Variants in PITRM1 observed in about 807,000 individuals in gnomAD.
PITRM1 encodes the protein pitrilysin metallopeptidase 1, also known as presequence protease, mitochondrial.
PITRM1 carries 100 observed loss-of-function variants against 129.9 expected under a neutral mutation model. That is an observed-to-expected ratio of 0.77 (90% CI 0.65 to 0.91). The LOEUF is 0.91. Ranked by LOEUF, PITRM1 falls within the 40% of genes least tolerant of loss-of-function variation. The pLI, the probability that PITRM1 is intolerant of heterozygous loss-of-function variation, is 0.00. For missense variants in PITRM1, 1,471 were observed against 1,318.3 expected (o/e 1.12, Z -1.79); for synonymous variants, 591 against 508.8 (o/e 1.16, Z -2.17).
intron 19 of PITRM1, 29 bp downstream of exon 19, chr10:3,147,543 G>GT: frequency 1.2e-6 from 2 of 1,608,106 alleles, no homozygotes; most frequent in Non-Finnish European, 1.7e-6. Context: ...CTAAACCGGA[G>GT]TAATAGAGGT....
At chr10:3,146,865 C>A (rs1465685043) in intron 20 of PITRM1, 1 of 222,440 alleles carries the variant, frequency 4.5e-6, no homozygotes, top group Admixed American at 5.4e-5. Context: ...CTCACCTTTA[C>A]AGATACCTCA....
intron 22 of PITRM1, chr10:3,144,079 G>A (rs956381430): frequency 1.7e-6 from 1 of 593,922 alleles, no homozygotes; most frequent in Admixed American, 3.0e-5. Flanking sequence ...CTCGGCACAG[G>A]AGGACACACC....
chr10:3,158,204 T>C (rs1272456776), intron 10 of PITRM1, 51 bp from the exon 11 acceptor site: 10 of 1,008,210 alleles, frequency 9.9e-6, no homozygotes, highest in African/African-American at 1.6e-5. Context: ...ACGTTCATCA[T>C]GCCCTCGTAA....
chr10:3,151,116 A>G (rs1461857282), intron 15 of PITRM1, 131 bp downstream of exon 15: 3 of 634,018 alleles, frequency 4.7e-6, no homozygotes, highest in South Asian at 3.5e-5. Context: ...GAGCGAGACT[A>G]TGAACGCACA....
At chr10:3,141,089 G>A (rs1003778626) in intron 23 of PITRM1, among the ~76,000 whole-genome samples, 5 of 152,296 alleles carry the variant, frequency 3.3e-5, no homozygotes, top group Admixed American at 1.3e-4. Context: ...CTACAGGTGT[G>A]TGCCACCACG....
intron 7 of PITRM1, among the ~76,000 whole-genome samples, chr10:3,162,490 A>C (rs5017749): frequency 6.6e-6 from 1 of 152,050 alleles, no homozygotes; most frequent in Non-Finnish European, 1.5e-5. Flanking sequence ...ACTCAAGCCC[A>C]CCAGATGGTC....
chr10:3,171,146 TTAAAAAAAAAAAA>T (rs1285374772), intron 1 of PITRM1, among the ~76,000 whole-genome samples: 368 of 36,250 alleles, frequency 0.01, 6 homozygotes, highest in African/African-American at 0.032. Flanking sequence ...AATCGTTCAA[TTAAAAAAAAAAAA>T]AAAAAAAAAA....
intron 25 of PITRM1, chr10:3,138,545 C>G (rs1839829720): frequency 3.3e-6 from 2 of 610,020 alleles, no homozygotes; most frequent in East Asian, 5.5e-5. Context: ...CCTGCTTCTG[C>G]AGCAGGGATG....
chr10:3,138,355 G>A lies in PITRM1; in HGVS notation c.2918-18C>T, dbSNP rs1459648069. ...GTCCATTCCTAGAAGACAATCCACAGGCACGATGGAGCCGCTGCCCGGGAG... is the reference window on the plus strand; with the variant it reads ...GTCCATTCCTAGAAGACAATCCACAAGCACGATGGAGCCGCTGCCCGGGAG... On this transcript the variant is annotated intron_variant, in intron 25 of 26. Coordinates refer to ENST00000224949, the MANE Select transcript of PITRM1 (RefSeq NM_014889.4). 2.5e-6 allele frequency: 4 copies of A among 1,576,816 alleles called. No homozygotes were observed. Among genetic ancestry groups the A allele is most frequent in the Non-Finnish European group, 3.5e-6 (4 of 1,146,472 alleles).
intron 20 of PITRM1, 48 bp downstream of exon 20, chr10:3,147,102 C>T: frequency 9.6e-7 from 1 of 1,041,880 alleles, no homozygotes; most frequent in Non-Finnish European, 1.5e-6. Flanking sequence ...AAAAACTATA[C>T]TTAATAGAAT....
intron 1 of PITRM1, among the ~76,000 whole-genome samples, chr10:3,171,146 TTAAAAAAAAAAAAAAA>T (rs1316677212): frequency 4.4e-4 from 16 of 36,266 alleles, no homozygotes; most frequent in East Asian, 3.1e-3. Context: ...AATCGTTCAA[TTAAAAAAAAAAAAAAA>T]AAAAAAAAAA....
At chr10:3,162,177 AAAC>A (rs1564426594) in intron 7 of PITRM1, among the ~76,000 whole-genome samples, 8 of 148,562 alleles carry the variant, frequency 5.4e-5, no homozygotes, top group Non-Finnish European at 1.1e-4. Flanking sequence ...AAAAAAAAAA[AAAC>A]AAGACAGCCT....
intron 2 of PITRM1, among the ~76,000 whole-genome samples, chr10:3,169,597 T>C (rs1173468714): frequency 6.6e-6 from 1 of 152,076 alleles, no homozygotes; most frequent in African/African-American, 2.4e-5. Context: ...ATGCAAAAGG[T>C]TTAGGCAAAA....
At chr10:3,172,082 A>C (rs991406471) in intron 1 of PITRM1, 16 of 400,032 alleles carry the variant, frequency 4.0e-5, no homozygotes, top group Non-Finnish European at 7.9e-5. Flanking sequence ...GTTACTTATC[A>C]AGGACATGAT....
intron 14 of PITRM1, among the ~76,000 whole-genome samples, chr10:3,152,339 G>A (rs1199564413): frequency 6.6e-6 from 1 of 152,130 alleles, no homozygotes; most frequent in African/African-American, 2.4e-5. Flanking sequence ...CACGACTCCC[G>A]GGGAGGGCTG....
At chr10:3,138,842 G>C (rs1469147093) in intron 25 of PITRM1, 62 bp downstream of exon 25, 1 of 1,556,310 alleles carries the variant, frequency 6.4e-7, no homozygotes, top group Non-Finnish European at 8.9e-7. Flanking sequence ...CGGGAACTTG[G>C]AAAACAGCAA....
Position 3,144,276 on chromosome 10 carries a change from G to A in PITRM1, c.2532+16C>T. ...GCACCCACCCGCTGGCAACCCGGATGGGCTGTGGTTCTTACCATGACCAGC... is the reference window on the plus strand; with the variant it reads ...GCACCCACCCGCTGGCAACCCGGATAGGCTGTGGTTCTTACCATGACCAGC... On this transcript the variant is annotated intron_variant, in intron 22 of 26. Transcript: ENST00000224949. 6.6e-7 allele frequency: 1 copy of A among 1,512,376 alleles called. No individual in the cohort carries two copies. The highest frequency in any genetic ancestry group is 9.0e-7 in the Non-Finnish European group (1 of 1,111,832). The allele number at this position is 1,512,376 out of a possible 1,614,324, so 93.7% of individuals were successfully genotyped here.
At position 3,138,692 on chromosome 10, in the gene PITRM1, G is replaced by A. The variant is rs1164031499; in HGVS notation, c.2917+212C>T. On this transcript the variant is annotated intron_variant, in intron 25 of 26. Coordinates refer to ENST00000224949, the MANE Select transcript of PITRM1 (RefSeq NM_014889.4). ...CACTGCCATGGGTTGGCCCCACTGG[G>A]TCTCAGGTCAGTAAAACAAATGACA... 4 of 680,150 alleles carry A rather than the reference G, an allele frequency of 5.9e-6. No individual in the cohort carries two copies. The African/African-American group carries it at 7.1e-5, about 12-fold the overall frequency. The allele number at this position is 680,150 out of a possible 1,614,324, so 42.1% of individuals were successfully genotyped here. A position where few individuals can be genotyped will look rare whatever the true frequency, so the allele number is the denominator to read the frequency against.
At position 3,160,306 on chromosome 10, in the gene PITRM1, T is replaced by C. The variant is rs1348092395; in HGVS notation, c.816A>G (p.Pro272=). The change falls in exon 8 of 27, where the codon CCA becomes CCG. Residue 272 remains proline (P), a synonymous_variant. Coordinates refer to ENST00000224949, the MANE Select transcript of PITRM1 (RefSeq NM_014889.4). The part of the protein sequence containing the change: ...NARFFTYGNF[P]LEQHLKQIHE... The stretch of plus-strand genomic sequence containing the variant: ...GAATTTGTTTCAGATGCTGTTCTAA[T>C]GGAAAATTACCGTACGTGAAGAACC... The C allele has an allele frequency of 1.2e-6, 2 of 1,613,058 alleles. No individual in the cohort carries two copies. Among genetic ancestry groups the C allele is most frequent in the Non-Finnish European group, 1.7e-6 (2 of 1,179,014 alleles).
Sources: allele counts gnomAD v4.1 joint callset (sites outside exome capture counted in the v4.1 genomes callset), GRCh38; gene constraint gnomAD v4.1.1; transcripts MANE v1.5; gene names NCBI Gene and HGNC (gene_info 2026-07-23, HGNC 2026-07-21).